RSRP1: variants seen among roughly 807,000 people sequenced by gnomAD.
RSRP1 encodes the protein arginine and serine rich protein 1, also known as arginine/serine-rich protein 1.
Under a neutral mutation model 33.0 loss-of-function variants are expected in RSRP1, and 37 were observed. The observed-to-expected ratio is 1.12, with a 90% confidence interval of 0.86 to 1.48. RSRP1 has a LOEUF of 1.48. Ranked by LOEUF, RSRP1 falls within the 40% of genes most tolerant of loss-of-function variation. The pLI is 0.00. For synonymous variants in RSRP1, 167 were observed against 158.7 expected, an observed-to-expected ratio of 1.05 and a Z score of -0.40; for missense variants, 402 against 385.3, an observed-to-expected ratio of 1.04 and a Z score of -0.36.
At position 25,246,520 on chromosome 1, in the gene RSRP1, CG is replaced by C. The variant is rs1557486685; in HGVS notation, c.443del (p.Pro148ArgfsTer23). On this transcript the variant is annotated frameshift_variant, in exon 2 of 5. Coordinates refer to ENST00000243189, the MANE Select transcript of RSRP1 (RefSeq NM_020317.5). LOFTEE classifies it high-confidence loss of function. ...RYYGFGRTVY[P>X]EEHSRWRDRS... ...TGTCCCTCCATCTGCTGTGCTCCTC[CG>C]GGTACACTGTGCGACCAAAGCCGTA... The C allele has an allele frequency of 1.2e-6, 2 of 1,614,260 alleles. No homozygotes were observed. Among genetic ancestry groups the C allele is most frequent in the South Asian group, 1.1e-5 (1 of 91,088 alleles).
At chr1:25,244,183 G>A in intron 3 of RSRP1, 1 of 1,288,708 alleles carries the variant, frequency 7.8e-7, no homozygotes, top group Non-Finnish European at 1.0e-6. Context: ...AAACTTATCT[G>A]CAAGTGAAGC....
At chr1:25,312,903 G>A (rs1188414072) in intron 1 of RSRP1, among the ~76,000 whole-genome samples, 1 of 36,852 alleles carries the variant, frequency 2.7e-5, no homozygotes, top group African/African-American at 7.6e-5. Context: ...CTGGATGATA[G>A]AGCAAAATCC....
chr1:25,330,918 C>G lies in RSRP1; in HGVS notation c.-67+7060G>C, dbSNP rs1644990844. 1.6e-5 allele frequency among the ~76,000 whole-genome samples: 2 copies of G among 123,616 alleles called. 1 individual carries two copies. The highest frequency in any genetic ancestry group is 5.5e-5 in the African/African-American group (2 of 36,266). 81.1% of individuals were successfully genotyped at this position (123,616 alleles called of 152,430 possible). On this transcript the variant is annotated intron_variant, in intron 1 of 1. Transcript: ENST00000561867. The stretch of plus-strand genomic sequence containing the variant: ...CCTCCTCCCTGTGTCCTCATAGAGC[C>G]TGTCTTCTGCTTTTACACTTCTGGT...
chr1:25,253,368 G>T (rs1465153404), intron 1 of RSRP1: 1 of 152,546 alleles, frequency 6.6e-6, no homozygotes, highest in Non-Finnish European at 1.5e-5. Flanking sequence ...CCATTGTTTT[G>T]TTTTTTTGTT....
In RSRP1 at chr1:25,321,099, G is replaced by A. The variant is rs1348075038; in HGVS notation, c.-67+16879C>T. Among the ~76,000 whole-genome samples, 5 of 130,326 alleles carry A rather than the reference G, an allele frequency of 3.8e-5. 2 individuals are homozygous for A. The highest frequency in any genetic ancestry group is 5.4e-5 in the Non-Finnish European group (3 of 55,062). 85.5% of individuals were successfully genotyped at this position (130,326 alleles called of 152,430 possible). ...AAAAGATGGGGAAAAGGAAGGACAGGCACTTAAGCAAGTTATAAGCTACTT... is the reference window on the plus strand; with the variant it reads ...AAAAGATGGGGAAAAGGAAGGACAGACACTTAAGCAAGTTATAAGCTACTT... On this transcript the variant is annotated intron_variant, in intron 1 of 1. Transcript: ENST00000561867.
At position 25,313,916 on chromosome 1, in the gene RSRP1, T is replaced by C. The variant is rs933084847; in HGVS notation, c.-67+24062A>G. ...ATGCCAGATAGGCAAATAGAGAATC[T>C]AAGAAAAGATAGTTGGAACAAGTGT... is the stretch of plus-strand genomic sequence containing the variant. On this transcript the variant is annotated intron_variant, in intron 1 of 1. Coordinates refer to the RSRP1 transcript ENST00000561867. Among the ~76,000 whole-genome samples the C allele has an allele frequency of 1.5e-5, 2 of 132,964 alleles. 1 individual carries two copies. Among genetic ancestry groups the C allele is most frequent in the Non-Finnish European group, 3.6e-5 (2 of 56,064 alleles). 87.2% of individuals were successfully genotyped at this position (132,964 alleles called of 152,430 possible).
In RSRP1 at chr1:25,284,359, C is replaced by G. The variant is rs559311999; in HGVS notation, c.-66-37330G>C. 1.3e-3 allele frequency among the ~76,000 whole-genome samples: 173 copies of G among 135,902 alleles called. 27 individuals carry two copies. The highest frequency in any genetic ancestry group is 4.1e-3 in the African/African-American group (162 of 39,598). The allele number at this position is 135,902 out of a possible 152,430, so 89.2% of individuals were successfully genotyped here. A position where few individuals can be genotyped will look rare whatever the true frequency, so the allele number is the denominator to read the frequency against. On this transcript the variant is annotated intron_variant, in intron 1 of 1. Coordinates refer to the RSRP1 transcript ENST00000561867. ...AAGTGCTTAATTAGCTTTAGCTCCTCTAATCCTTATCTTATCCCCACACGG... is the reference window on the plus strand; with the variant it reads ...AAGTGCTTAATTAGCTTTAGCTCCTGTAATCCTTATCTTATCCCCACACGG...
intron 1 of RSRP1, among the ~76,000 whole-genome samples, chr1:25,306,370 T>C (rs1404381866): frequency 7.6e-6 from 1 of 131,796 alleles, no homozygotes; most frequent in East Asian, 1.9e-4. Flanking sequence ...GGGACCTTGT[T>C]AGAAATGCTG....
intron 1 of RSRP1, among the ~76,000 whole-genome samples, chr1:25,316,513 G>A (rs1406067260): frequency 1.8e-5 from 2 of 113,532 alleles, no homozygotes; most frequent in African/African-American, 5.9e-5. Context: ...CCAGCTACTT[G>A]AGGCACAAGA....
chr1:25,246,384 G>C, intron 2 of RSRP1, 60 bp downstream of exon 2: 1 of 1,574,228 alleles, frequency 6.4e-7, no homozygotes, highest in Non-Finnish European at 8.7e-7. Flanking sequence ...TGGTTCCCTA[G>C]CCTACTCATA....
chr1:25,333,523 CA>C (rs2124209797), intron 1 of RSRP1, among the ~76,000 whole-genome samples: 1 of 129,552 alleles, frequency 7.7e-6, no homozygotes, highest in African/African-American at 2.7e-5. Context: ...AGCCATGTGA[CA>C]GAGAAGGGTG....
In RSRP1 at chr1:25,281,181, C is replaced by A. The variant is rs1641462085; in HGVS notation, c.-66-34152G>T. Among the ~76,000 whole-genome samples, 2 of 132,086 alleles carry A rather than the reference C, an allele frequency of 1.5e-5. 1 individual carries two copies. Among genetic ancestry groups the A allele is most frequent in the South Asian group, 4.6e-4 (2 of 4,340 alleles). The allele number at this position is 132,086 out of a possible 152,430, so 86.7% of individuals were successfully genotyped here. ...AGGACATAGTTCCAGGCATTCAGAG[C>A]TGGGCTCTGCTGCCGGCATGTTTGG... On this transcript the variant is annotated intron_variant, in intron 1 of 1. Transcript: ENST00000561867.
upstream of RSRP1, among the ~76,000 whole-genome samples, chr1:25,251,742 C>A (rs557698520): frequency 6.6e-6 from 1 of 152,224 alleles, no homozygotes; most frequent in East Asian, 1.9e-4. Flanking sequence ...AAGATGTATA[C>A]AAGCTAACGA....
chr1:25,247,110 C>T, intron 1 of RSRP1, 81 bp from the exon 2 acceptor site: 1 of 886,358 alleles, frequency 1.1e-6, no homozygotes, highest in Non-Finnish European at 1.6e-6. Flanking sequence ...CGGGGAACCT[C>T]CGGGAGGCGG....
chr1:25,258,239 G>A (rs946176052), intron 1 of RSRP1, among the ~76,000 whole-genome samples: 4 of 152,160 alleles, frequency 2.6e-5, no homozygotes, highest in Non-Finnish European at 5.9e-5. Flanking sequence ...GGAGTGCAGT[G>A]GCACAATCTC....
intron 1 of RSRP1, among the ~76,000 whole-genome samples, chr1:25,285,070 A>T (rs1304576270): frequency 7.4e-6 from 1 of 134,618 alleles, no homozygotes; most frequent in Non-Finnish European, 1.8e-5. Context: ...AGTTTATGGA[A>T]AACGTAAGAA....
rs642607 is a variant in RSRP1, at chr1:25,282,588, C to T, written c.-66-35559G>A. On this transcript the variant is annotated intron_variant, in intron 1 of 1. Coordinates refer to the RSRP1 transcript ENST00000561867. ...TGATAGAGCTGGGATCGAACAGAGCCATGTGAACTCAAAACCTATGCTTCC... is the reference window on the plus strand; with the variant it reads ...TGATAGAGCTGGGATCGAACAGAGCTATGTGAACTCAAAACCTATGCTTCC... 5.3e-5 allele frequency among the ~76,000 whole-genome samples: 7 copies of T among 132,284 alleles called. 1 individual carries two copies. The highest frequency in any genetic ancestry group is 2.3e-4 in the South Asian group (1 of 4,346). The allele number at this position is 132,284 out of a possible 152,430, so 86.8% of individuals were successfully genotyped here.
chr1:25,289,991 G>A lies in RSRP1; in HGVS notation c.-66-42962C>T, dbSNP rs1324169750. Among the ~76,000 whole-genome samples, 2 of 128,700 alleles carry A rather than the reference G, an allele frequency of 1.6e-5. 1 individual carries two copies. Among genetic ancestry groups the A allele is most frequent in the Non-Finnish European group, 3.6e-5 (2 of 54,800 alleles). 84.4% of individuals were successfully genotyped at this position (128,700 alleles called of 152,430 possible). ...GTCTTGGTGCTAGACACACCGATAG[G>A]AAGAATACTCCTTCACATCCCCAGG... On this transcript the variant is annotated intron_variant, in intron 1 of 1. Coordinates refer to the RSRP1 transcript ENST00000561867.
rs1430313856 is a variant in RSRP1, at chr1:25,303,121, C to T, written c.-67+34857G>A. Among the ~76,000 whole-genome samples, 2 of 131,946 alleles carry T rather than the reference C, an allele frequency of 1.5e-5. 1 individual carries two copies. The highest frequency in any genetic ancestry group is 3.6e-5 in the Non-Finnish European group (2 of 55,662). 86.6% of individuals were successfully genotyped at this position (131,946 alleles called of 152,430 possible). A position where few individuals can be genotyped will look rare whatever the true frequency, so the allele number is the denominator to read the frequency against. ...CAATCAGGGTAACTGTGCCCTGAGC[C>T]TAAGAGGCAGTAGTGAGCTGGCCCA... On this transcript the variant is annotated intron_variant, in intron 1 of 1. Transcript: ENST00000561867.
Sources: gnomAD v4.1 joint callset for allele counts (sites outside exome capture counted in the v4.1 genomes callset) on GRCh38, gnomAD v4.1.1 for gene constraint, MANE v1.5 for transcripts, NCBI Gene and HGNC (gene_info 2026-07-23, HGNC 2026-07-21) for gene names.